The following SLC4A4 variants were observed in gnomAD, a reference collection of about 807,000 sequenced individuals.
SLC4A4 encodes electrogenic sodium bicarbonate cotransporter 1.
A neutral mutation model predicts 111.5 loss-of-function variants in SLC4A4; 27 were observed. The observed-to-expected ratio is 0.24, with a 90% CI of 0.18 to 0.33. The LOEUF is 0.33. SLC4A4 is among the 10% of genes least tolerant of loss of function. The pLI is 1.00. For missense variants in SLC4A4, 909 were observed against 1,315.5 expected, an observed-to-expected ratio of 0.69 and a Z score of 4.78; for synonymous variants, 443 against 463.4, an observed-to-expected ratio of 0.96 and a Z score of 0.57.
intron 20 of SLC4A4, among the ~76,000 whole-genome samples, chr4:71,553,670 A>G (rs1395277751): frequency 1.3e-5 from 2 of 151,842 alleles, no homozygotes; most frequent in Admixed American, 6.6e-5. Flanking sequence ...AAGCTATGCA[A>G]TGATCCTTCT....
At chr4:71,542,357 C>G (rs111935973) in intron 18 of SLC4A4, among the ~76,000 whole-genome samples, 55 of 152,192 alleles carry the variant, frequency 3.6e-4, no homozygotes, top group African/African-American at 1.3e-3. Context: ...ATCTTGACCA[C>G]TCCCAATATA....
chr4:71,474,423 A>G (rs1390540679), intron 14 of SLC4A4, among the ~76,000 whole-genome samples: 1 of 151,948 alleles, frequency 6.6e-6, no homozygotes, highest in East Asian at 1.9e-4. Flanking sequence ...CAGAATGCTT[A>G]TGAATTTAAA....
At chr4:71,265,867 C>T (rs909269475) in intron 3 of SLC4A4, among the ~76,000 whole-genome samples, 2 of 152,108 alleles carry the variant, frequency 1.3e-5, no homozygotes, top group Admixed American at 1.3e-4. Context: ...TTTCCTAATA[C>T]CTGATTTTTA....
chr4:71,462,054 A>G (rs1726883799), intron 12 of SLC4A4, among the ~76,000 whole-genome samples: 1 of 151,972 alleles, frequency 6.6e-6, no homozygotes, highest in Admixed American at 6.6e-5. Flanking sequence ...TTTTCACATC[A>G]TTTCTTTTGA....
At chr4:71,557,289 A>G (rs1736558176) in intron 21 of SLC4A4, among the ~76,000 whole-genome samples, 1 of 151,982 alleles carries the variant, frequency 6.6e-6, no homozygotes, top group Non-Finnish European at 1.5e-5. Context: ...TATATGATGC[A>G]TAGTGTCATC....
intron 3 of SLC4A4, among the ~76,000 whole-genome samples, chr4:71,306,950 A>T (rs553964946): frequency 1.3e-5 from 2 of 152,342 alleles, no homozygotes; most frequent in South Asian, 4.1e-4. Flanking sequence ...CATGCTTCTC[A>T]GTGACCCTTT....
At chr4:71,385,197 T>A (rs1163212001) in intron 6 of SLC4A4, among the ~76,000 whole-genome samples, 31 of 78,214 alleles carry the variant, frequency 4.0e-4, no homozygotes, top group South Asian at 4.4e-4. Flanking sequence ...ATATATTTTT[T>A]TTTTTTTTTT....
chr4:71,547,019 C>T (rs973590628), intron 19 of SLC4A4, among the ~76,000 whole-genome samples: 1 of 152,008 alleles, frequency 6.6e-6, no homozygotes, highest in Non-Finnish European at 1.5e-5. Context: ...CTCTGTTGAG[C>T]ACTTTTTACA....
At chr4:71,108,926 C>T (rs1256688166) in intron 2 of SLC4A4, among the ~76,000 whole-genome samples, 1 of 152,038 alleles carries the variant, frequency 6.6e-6, no homozygotes, top group Non-Finnish European at 1.5e-5. Flanking sequence ...CTTTAAGCAT[C>T]TTTAAGACAG....
Position 71,480,034 on chromosome 4 carries a change from T to G in SLC4A4, c.1904-6914T>G, listed in dbSNP as rs560721584. Among the ~76,000 whole-genome samples the G allele has an allele frequency of 4.0e-5, 6 of 151,080 alleles. No homozygotes were observed. In the South Asian group the frequency reaches 1.3e-3, roughly 31 times the overall value. ...AATATGCCCATCTTTTTTTTTTTTT[T>G]TTTTTGAGGTGGGGTCTTACTCTTT... On this transcript the variant is annotated intron_variant, in intron 14 of 25. Coordinates refer to ENST00000264485, the MANE Select transcript of SLC4A4 (RefSeq NM_001098484.3).
intron 7 of SLC4A4, among the ~76,000 whole-genome samples, chr4:71,420,171 C>G: frequency 6.6e-6 from 1 of 151,402 alleles, no homozygotes; most frequent in Non-Finnish European, 1.5e-5. Flanking sequence ...GCCAAGGCTC[C>G]AGAACTACGT....
At chr4:71,408,679 A>G (rs1721092436) in intron 7 of SLC4A4, among the ~76,000 whole-genome samples, 1 of 152,070 alleles carries the variant, frequency 6.6e-6, no homozygotes, top group African/African-American at 2.4e-5. Flanking sequence ...TTTTCTCTCT[A>G]CTTTTCCAAG....
chr4:71,267,658 G>A (rs1256732804), intron 3 of SLC4A4, among the ~76,000 whole-genome samples: 1 of 151,794 alleles, frequency 6.6e-6, no homozygotes, highest in East Asian at 1.9e-4. Context: ...GCTGGGTGTG[G>A]CAGTGTGTGC....
At chr4:71,542,084 G>C (rs1735121920) in intron 18 of SLC4A4, among the ~76,000 whole-genome samples, 1 of 152,042 alleles carries the variant, frequency 6.6e-6, no homozygotes, top group Non-Finnish European at 1.5e-5. Flanking sequence ...TGGGTCTCAT[G>C]GCAATAGTTT....
intron 7 of SLC4A4, among the ~76,000 whole-genome samples, chr4:71,424,640 A>T (rs557790570): frequency 2.0e-5 from 3 of 152,294 alleles, no homozygotes; most frequent in African/African-American, 7.2e-5. Flanking sequence ...GCACATATAC[A>T]CCATGGAATA....
At chr4:71,242,249 C>T (rs1720304472) in intron 2 of SLC4A4, among the ~76,000 whole-genome samples, 1 of 152,168 alleles carries the variant, frequency 6.6e-6, no homozygotes. Context: ...TCCAGAAATT[C>T]TGAAATAGTA....
chr4:71,067,558 G>A (rs970312076), intron 1 of SLC4A4, among the ~76,000 whole-genome samples: 1 of 152,026 alleles, frequency 6.6e-6, no homozygotes, highest in African/African-American at 2.4e-5. Context: ...TTGTGTTTCT[G>A]TTTTCCTTGT....
At chr4:71,280,571 A>G (rs1021381608) in intron 3 of SLC4A4, among the ~76,000 whole-genome samples, 19 of 152,168 alleles carry the variant, frequency 1.2e-4, no homozygotes, top group African/African-American at 4.3e-4. Flanking sequence ...TGTGAGTGGT[A>G]TAAAATAGGG....
intron 14 of SLC4A4, chr4:71,473,321 AT>A (rs554554150): frequency 1.1e-5 from 6 of 553,290 alleles, no homozygotes; most frequent in African/African-American, 9.4e-5. Flanking sequence ...TGACAAACCT[AT>A]CCTTTGCTGC....
Sources: allele counts gnomAD v4.1 joint callset (sites outside exome capture counted in the v4.1 genomes callset), GRCh38; gene constraint gnomAD v4.1.1; transcripts MANE v1.5; gene names NCBI Gene and HGNC (gene_info 2026-07-23, HGNC 2026-07-21).